The following RBM44 variants were observed in gnomAD, a reference collection of about 807,000 sequenced individuals.
The protein encoded by RBM44 is RNA binding motif protein 44, also known as RNA-binding protein 44.
Under a neutral mutation model 105.1 loss-of-function variants are expected in RBM44, and 66 were observed. The ratio of observed to expected loss-of-function variants is 0.63; its 90% confidence interval spans 0.52 to 0.77. The LOEUF (loss-of-function observed/expected upper bound fraction) is 0.77. RBM44 is among the 30% of genes least tolerant of loss of function. The probability of loss-of-function intolerance (pLI) is 0.00; values close to 1 mark genes in which losing one functional copy is unlikely to be tolerated. For synonymous variants in RBM44, 365 were observed against 417.6 expected (o/e 0.87, Z 1.54); for missense variants, 1,122 against 1,207.8 (o/e 0.93, Z 1.05).
intron 1 of RBM44, among the ~76,000 whole-genome samples, chr2:237,808,153 T>C (rs1167804285): frequency 1.3e-5 from 2 of 152,092 alleles, no homozygotes; most frequent in Non-Finnish European, 2.9e-5. Context: ...AAATCATACA[T>C]TAAAAATGGC....
intron 2 of RBM44, among the ~76,000 whole-genome samples, chr2:237,816,742 G>T (rs1283803629): frequency 6.6e-6 from 1 of 152,108 alleles, no homozygotes; most frequent in Non-Finnish European, 1.5e-5. Flanking sequence ...TTAGGGTCTT[G>T]CCCTCATGAC....
At chr2:237,810,466 G>A (rs567207490) in intron 1 of RBM44, among the ~76,000 whole-genome samples, 3 of 152,242 alleles carry the variant, frequency 2.0e-5, no homozygotes, top group South Asian at 2.1e-4. Context: ...GTATCTGCAT[G>A]GTTCTTTTCT....
chr2:237,812,570 T>A (rs1256598360), intron 1 of RBM44, among the ~76,000 whole-genome samples: 1 of 152,222 alleles, frequency 6.6e-6, no homozygotes, highest in Non-Finnish European at 1.5e-5. Context: ...TTTAGATGAT[T>A]TTTTTCAGGA....
chr2:237,827,209 A>C (rs766245794), intron 10 of RBM44, 41 bp from the exon 11 acceptor site: 6 of 1,106,104 alleles, frequency 5.4e-6, no homozygotes, highest in Non-Finnish European at 8.0e-6. Context: ...ACATATCAGT[A>C]CAATAAAGAT....
chr2:237,830,784 G>GT (rs1166699390), intron 13 of RBM44, among the ~76,000 whole-genome samples: 1 of 152,082 alleles, frequency 6.6e-6, no homozygotes, highest in Non-Finnish European at 1.5e-5. Flanking sequence ...ATAGTACACT[G>GT]TCTTCATTAC....
At chr2:237,799,687 G>A (rs2061526406) in intron 1 of RBM44, among the ~76,000 whole-genome samples, 1 of 152,204 alleles carries the variant, frequency 6.6e-6, no homozygotes, top group South Asian at 2.1e-4. Context: ...AGCCCGGACC[G>A]TTGTAGGGTT....
chr2:237,825,431 C>T (rs2061838234), intron 10 of RBM44, among the ~76,000 whole-genome samples: 1 of 152,176 alleles, frequency 6.6e-6, no homozygotes, highest in Non-Finnish European at 1.5e-5. Flanking sequence ...ATCTTGAACT[C>T]CTGATCTCAA....
chr2:237,830,870 T>C (rs2061896167), intron 13 of RBM44, among the ~76,000 whole-genome samples: 1 of 152,064 alleles, frequency 6.6e-6, no homozygotes, highest in South Asian at 2.1e-4. Context: ...TTATTGTAGC[T>C]ATTTAGTCTC....
chr2:237,827,419 T>G lies in RBM44; in HGVS notation c.2530-14T>G, dbSNP rs1559919336. 2.0e-6 allele frequency: 3 copies of G among 1,505,808 alleles called. No individual in the cohort carries two copies. Among genetic ancestry groups the G allele is most frequent in the Non-Finnish European group, 2.7e-6 (3 of 1,109,538 alleles). 93.3% of individuals were successfully genotyped at this position (1,505,808 alleles called of 1,614,324 possible). A position where few individuals can be genotyped will look rare whatever the true frequency, so the allele number is the denominator to read the frequency against. ...TTTTCTACCTTTCACAAACTTTTAT[T>G]TCTCTTCTTTTAGGCCGATTTAAGG... On this transcript the variant is annotated splice_polypyrimidine_tract_variant and intron_variant, in intron 11 of 15. Coordinates refer to ENST00000316997, the MANE Select transcript of RBM44 (RefSeq NM_001080504.3).
In RBM44 at chr2:237,801,652, A is replaced by C. The variant is rs1425720787; in HGVS notation, c.-19+2791A>C. Among the ~76,000 whole-genome samples the C allele has an allele frequency of 2.0e-5, 3 of 152,294 alleles. No individual in the cohort carries two copies. The East Asian group carries it at 5.8e-4, about 29-fold the overall frequency. The stretch of plus-strand genomic sequence containing the variant: ...AGACCAGTTCATTTTTATACATAAT[A>C]ACTCTAGTTATCTTATAATCTAAGA... On this transcript the variant is annotated intron_variant, in intron 1 of 15. Coordinates refer to ENST00000316997, the MANE Select transcript of RBM44 (RefSeq NM_001080504.3).
At chr2:237,808,481 GAAAA>G (rs61185065) in intron 1 of RBM44, among the ~76,000 whole-genome samples, 1 of 125,380 alleles carries the variant, frequency 8.0e-6, no homozygotes, top group South Asian at 2.6e-4. Context: ...AAGCATAACA[GAAAA>G]AAAAAAAAAC....
intron 4 of RBM44, 127 bp from the exon 5 acceptor site, chr2:237,820,048 T>A: frequency 4.1e-6 from 2 of 484,730 alleles, no homozygotes; most frequent in Non-Finnish European, 7.2e-6. Context: ...AGCCTCTTCA[T>A]CTTTAGTATA....
chr2:237,833,759 C>T (rs1396328306), intron 13 of RBM44, among the ~76,000 whole-genome samples: 1 of 152,124 alleles, frequency 6.6e-6, no homozygotes, highest in African/African-American at 2.4e-5. Flanking sequence ...CTTATTTAGA[C>T]ATAGCCTCCT....
intron 15 of RBM44, among the ~76,000 whole-genome samples, chr2:237,839,988 A>G (rs1576521077): frequency 1.3e-5 from 2 of 152,296 alleles, no homozygotes; most frequent in East Asian, 1.9e-4. Context: ...CAGGAATCCA[A>G]AACCAGCCTG....
intron 15 of RBM44, among the ~76,000 whole-genome samples, chr2:237,835,546 A>G (rs1022222226): frequency 3.9e-5 from 6 of 152,200 alleles, no homozygotes; most frequent in African/African-American, 1.4e-4. Context: ...GGAGAATGAT[A>G]ACAAAGTGAA....
Position 237,803,897 on chromosome 2 carries a change from CT to C in RBM44, c.-19+5044del, listed in dbSNP as rs924988323. 1.5e-5 allele frequency among the ~76,000 whole-genome samples: 2 copies of C among 134,378 alleles called. No individual in the cohort carries two copies. Among genetic ancestry groups the C allele is most frequent in the East Asian group, 4.2e-4 (2 of 4,748 alleles). 88.2% of individuals were successfully genotyped at this position (134,378 alleles called of 152,430 possible). On this transcript the variant is annotated intron_variant, in intron 1 of 15. Transcript: ENST00000316997. This position sits in a 1 kb window ranked among gnomAD's most constrained non-coding sequence, Gnocchi z 4.2. ...TATGCCTTAGACCTTTTTTTTTTTT[CT>C]TTTTTTTGAGACAGAGTCTTGCTTT... is the stretch of plus-strand genomic sequence containing the variant.
chr2:237,806,844 C>T (rs1559906005), intron 1 of RBM44, among the ~76,000 whole-genome samples: 2 of 152,018 alleles, frequency 1.3e-5, no homozygotes, highest in Non-Finnish European at 2.9e-5. Context: ...AGTTGCCCAC[C>T]TGGCAAGGAG....
chr2:237,840,187 C>CAAAAAAA (rs34666443), intron 15 of RBM44, among the ~76,000 whole-genome samples: 2 of 64,904 alleles, frequency 3.1e-5, no homozygotes, highest in African/African-American at 6.2e-5. Flanking sequence ...GACTCTATCT[C>CAAAAAAA]AAAAAAAAAA....
intron 1 of RBM44, among the ~76,000 whole-genome samples, chr2:237,808,181 A>C (rs572249817): frequency 1.3e-5 from 2 of 152,272 alleles, no homozygotes; most frequent in South Asian, 4.1e-4. Context: ...GGCCGAGTGC[A>C]GTGGCTCAGG....
Sources: allele counts gnomAD v4.1 joint callset (sites outside exome capture counted in the v4.1 genomes callset), GRCh38; gene constraint gnomAD v4.1.1; non-coding constraint Gnocchi (gnomAD v3.1); transcripts MANE v1.5; gene names NCBI Gene and HGNC (gene_info 2026-07-23, HGNC 2026-07-21).